BBOX1: variants seen among roughly 807,000 people sequenced by gnomAD.
BBOX1 encodes the protein gamma-butyrobetaine dioxygenase.
Under a neutral mutation model 41.6 loss-of-function variants are expected in BBOX1, and 35 were observed. The observed-to-expected ratio is 0.84, with a 90% CI of 0.64 to 1.11. BBOX1 has a LOEUF of 1.11. Among genes scored for constraint, BBOX1 ranks in the 50% most tolerant of loss-of-function variants. BBOX1 has a pLI of 0.00. For missense variants in BBOX1, 458 were observed against 460.6 expected (o/e 0.99, Z 0.05); for synonymous variants, 163 against 154.7 (o/e 1.05, Z -0.40).
At chr11:27,078,346 A>T (rs1857706829) in intron 4 of BBOX1, among the ~76,000 whole-genome samples, 1 of 152,026 alleles carries the variant, frequency 6.6e-6, no homozygotes, top group Admixed American at 6.6e-5. Context: ...ATTATACTTT[A>T]AGTTTTGAGG....
intron 7 of BBOX1, among the ~76,000 whole-genome samples, chr11:27,120,237 C>T (rs182206378): frequency 6.6e-6 from 1 of 152,172 alleles, no homozygotes; most frequent in East Asian, 1.9e-4. Context: ...TTAGCTTTGC[C>T]ATCTTCTATG....
intron 5 of BBOX1, among the ~76,000 whole-genome samples, chr11:27,094,263 G>T (rs1268082427): frequency 6.6e-6 from 1 of 151,922 alleles, no homozygotes; most frequent in East Asian, 1.9e-4. Context: ...AGATGTGGGA[G>T]TATAACTGTA....
intron 4 of BBOX1, among the ~76,000 whole-genome samples, chr11:27,073,547 C>T (rs1857529624): frequency 6.7e-6 from 1 of 148,936 alleles, no homozygotes; most frequent in Admixed American, 6.6e-5. Context: ...TTTGACCCAG[C>T]CATCCCATTA....
At chr11:27,089,387 G>A (rs1283104273) in intron 4 of BBOX1, among the ~76,000 whole-genome samples, 1 of 151,764 alleles carries the variant, frequency 6.6e-6, no homozygotes, top group Non-Finnish European at 1.5e-5. Context: ...CTCTCAATAG[G>A]AAACAATACA....
At chr11:27,089,171 C>T (rs1170206738) in intron 4 of BBOX1, among the ~76,000 whole-genome samples, 7 of 143,564 alleles carry the variant, frequency 4.9e-5, no homozygotes, top group Non-Finnish European at 1.1e-4. Context: ...CAGTCACATA[C>T]ATATGGCTAT....
chr11:27,087,145 G>A (rs1858072732), intron 4 of BBOX1, among the ~76,000 whole-genome samples: 1 of 152,078 alleles, frequency 6.6e-6, no homozygotes, highest in African/African-American at 2.4e-5. Flanking sequence ...CTACATAAAT[G>A]CTGTTTATAA....
chr11:27,048,789 T>C lies in BBOX1; in HGVS notation c.-38-6604T>C, dbSNP rs558524072. On this transcript the variant is annotated intron_variant, in intron 2 of 8. Transcript: ENST00000263182. The stretch of plus-strand genomic sequence containing the variant: ...TTTATACTTTAAGTTTTAGGGTACA[T>C]GTGCCCATTGTGCAGGTTACATATG... Among the ~76,000 whole-genome samples, 8 of 146,356 alleles carry C rather than the reference T, an allele frequency of 5.5e-5. No individual in the cohort carries two copies. In the South Asian group the frequency reaches 1.7e-3, roughly 32 times the overall value.
At chr11:27,113,737 T>C (rs1328765045) in intron 5 of BBOX1, among the ~76,000 whole-genome samples, 1 of 151,450 alleles carries the variant, frequency 6.6e-6, no homozygotes, top group Non-Finnish European at 1.5e-5. Context: ...AAAAATACTC[T>C]GTACATAAAC....
intron 7 of BBOX1, among the ~76,000 whole-genome samples, chr11:27,120,933 A>C (rs1384896792): frequency 6.6e-6 from 1 of 152,128 alleles, no homozygotes; most frequent in Non-Finnish European, 1.5e-5. Flanking sequence ...TATAGCTTAT[A>C]CTCTAATGGG....
intron 5 of BBOX1, among the ~76,000 whole-genome samples, chr11:27,105,823 G>A (rs1564983145): frequency 6.6e-6 from 1 of 152,102 alleles, no homozygotes; most frequent in Non-Finnish European, 1.5e-5. Flanking sequence ...AGGAAAAAAT[G>A]TTAAGGGTAG....
intron 4 of BBOX1, among the ~76,000 whole-genome samples, chr11:27,085,700 T>A (rs1858017553): frequency 6.6e-6 from 1 of 152,040 alleles, no homozygotes; most frequent in Non-Finnish European, 1.5e-5. Flanking sequence ...TGCATGTCTC[T>A]CACTTTAAAT....
intron 8 of BBOX1, among the ~76,000 whole-genome samples, chr11:27,126,821 A>G (rs1564995291): frequency 6.6e-6 from 1 of 151,766 alleles, no homozygotes; most frequent in Non-Finnish European, 1.5e-5. Flanking sequence ...GACTACAGGC[A>G]CTGCCACCAC....
intron 2 of BBOX1, chr11:27,046,358 A>T (rs1295744082): frequency 6.6e-6 from 1 of 152,052 alleles, no homozygotes; most frequent in Non-Finnish European, 1.5e-5. Flanking sequence ...CTTGTGCCCA[A>T]CAGAAGTCCC....
At chr11:27,049,905 G>A (rs1338302109) in intron 2 of BBOX1, among the ~76,000 whole-genome samples, 1 of 151,898 alleles carries the variant, frequency 6.6e-6, no homozygotes, top group Non-Finnish European at 1.5e-5. Flanking sequence ...GTTCATTTGG[G>A]TTCATATCCA....
At chr11:27,098,200 C>T (rs565112257) in intron 5 of BBOX1, among the ~76,000 whole-genome samples, 1 of 151,994 alleles carries the variant, frequency 6.6e-6, no homozygotes, top group African/African-American at 2.4e-5. Context: ...AACATTTTTC[C>T]TCTTCCCTTC....
At chr11:27,071,878 T>C (rs1271101146) in intron 4 of BBOX1, among the ~76,000 whole-genome samples, 2 of 152,154 alleles carry the variant, frequency 1.3e-5, no homozygotes, top group Non-Finnish European at 2.9e-5. Flanking sequence ...CAGCCCTTCA[T>C]GCTAAAAACT....
intron 4 of BBOX1, among the ~76,000 whole-genome samples, chr11:27,089,922 T>G (rs1858178788): frequency 6.6e-6 from 1 of 152,012 alleles, no homozygotes; most frequent in African/African-American, 2.4e-5. Flanking sequence ...ATCCTCTTCC[T>G]GCCAACCTTT....
chr11:27,058,140 C>T (rs960790156), intron 4 of BBOX1, among the ~76,000 whole-genome samples: 6 of 152,152 alleles, frequency 3.9e-5, no homozygotes, highest in Admixed American at 1.3e-4. Flanking sequence ...ACAGTTCTTG[C>T]AAGATCTGGT....
rs1054608013 is a variant in BBOX1 at position 27,055,977 on chromosome 11, T to C, written c.219+328T>C. On this transcript the variant is annotated intron_variant, in intron 3 of 8. Transcript: ENST00000263182. Reference sequence around the variant, plus strand: ...ACTACAAACCAGAGGCAGCCACCATTCCATGTTTCTCTCTTCCAAATTTAC... The same window carrying C: ...ACTACAAACCAGAGGCAGCCACCATCCCATGTTTCTCTCTTCCAAATTTAC... Among the ~76,000 whole-genome samples the C allele has an allele frequency of 2.0e-5, 3 of 152,284 alleles. No homozygotes were observed. The East Asian group carries it at 5.8e-4, about 29-fold the overall frequency.
Sources: allele counts gnomAD v4.1 joint callset (sites outside exome capture counted in the v4.1 genomes callset), GRCh38; gene constraint gnomAD v4.1.1; transcripts MANE v1.5; gene names NCBI Gene and HGNC (gene_info 2026-07-23, HGNC 2026-07-21).